Variants in RHOBTB1 observed in about 807,000 individuals in gnomAD.
The protein encoded by RHOBTB1 is Rho related BTB domain containing 1.
A neutral mutation model predicts 71.6 loss-of-function variants in RHOBTB1; 40 were observed. That is an observed-to-expected ratio of 0.56 (90% CI 0.43 to 0.73). The LOEUF is 0.73. Ranked by LOEUF, RHOBTB1 falls within the 30% of genes least tolerant of loss-of-function variation. The pLI is 0.00. For synonymous variants in RHOBTB1, 319 were observed against 334.9 expected (o/e 0.95, Z 0.52); for missense variants, 797 against 894.0 (o/e 0.89, Z 1.38).
At chr10:60,998,217 T>C (rs562127773) in intron 1 of RHOBTB1, among the ~76,000 whole-genome samples, 1 of 152,322 alleles carries the variant, frequency 6.6e-6, no homozygotes, top group East Asian at 1.9e-4. Flanking sequence ...ATAAGATCAA[T>C]GATGCTTCAT....
intron 10 of RHOBTB1, 123 bp from the exon 11 acceptor site, chr10:60,871,774 T>C: frequency 1.1e-6 from 1 of 873,224 alleles, no homozygotes; most frequent in East Asian, 2.7e-5. Context: ...AGACTGTGAT[T>C]AGGGCCATTT....
chr10:60,880,928 T>C (rs2081299529), intron 7 of RHOBTB1, among the ~76,000 whole-genome samples: 1 of 152,266 alleles, frequency 6.6e-6, no homozygotes, highest in African/African-American at 2.4e-5. Context: ...TAACATTTCA[T>C]TTCTTTGATG....
intron 4 of RHOBTB1, among the ~76,000 whole-genome samples, chr10:60,903,975 T>C (rs547278793): frequency 1.2e-4 from 18 of 152,308 alleles, no homozygotes; most frequent in Middle Eastern, 3.4e-3. Flanking sequence ...CTTTTCTTTT[T>C]TTTTTGAGAC....
chr10:60,908,904 C>T (rs538550741), intron 4 of RHOBTB1, among the ~76,000 whole-genome samples: 1 of 152,278 alleles, frequency 6.6e-6, no homozygotes, highest in African/African-American at 2.4e-5. Flanking sequence ...CAGGAGTGTT[C>T]CTGAAGCCCC....
At chr10:60,900,442 T>G (rs2082362181) in intron 4 of RHOBTB1, among the ~76,000 whole-genome samples, 1 of 152,206 alleles carries the variant, frequency 6.6e-6, no homozygotes, top group Non-Finnish European at 1.5e-5. Context: ...CGTGAGCTAT[T>G]TATTTCTGCT....
At chr10:60,906,896 G>A (rs1035213171) in intron 4 of RHOBTB1, among the ~76,000 whole-genome samples, 10 of 152,204 alleles carry the variant, frequency 6.6e-5, no homozygotes, top group South Asian at 2.1e-4. Context: ...CCCAAATCTC[G>A]AATCGTAGCT....
At chr10:60,895,644 T>C (rs1161032864) in intron 4 of RHOBTB1, among the ~76,000 whole-genome samples, 1 of 152,262 alleles carries the variant, frequency 6.6e-6, no homozygotes, top group Non-Finnish European at 1.5e-5. Context: ...CCTCGGGTGA[T>C]CCACCCACCT....
At position 60,871,383 on chromosome 10, in the gene RHOBTB1, G is replaced by A; in HGVS notation, c.*99C>T. The A allele has an allele frequency of 8.1e-7, 1 of 1,227,914 alleles. No homozygotes were observed. Among genetic ancestry groups the A allele is most frequent in the Non-Finnish European group, 1.1e-6 (1 of 871,366 alleles). 76.1% of individuals were successfully genotyped at this position (1,227,914 alleles called of 1,614,324 possible). A position where few individuals can be genotyped will look rare whatever the true frequency, so the allele number is the denominator to read the frequency against. ...GATCAGTGCCCGAAACCTGAACTAT[G>A]TCGTATCTCTAACAAGACGAATTTT... On this transcript the variant is annotated 3_prime_UTR_variant, in exon 11 of 11. Coordinates refer to ENST00000337910, the MANE Select transcript of RHOBTB1 (RefSeq NM_014836.5).
In RHOBTB1 at chr10:60,871,579, C is replaced by A. The variant is rs143799442; in HGVS notation, c.1994G>T (p.Arg665Leu). 6.8e-6 allele frequency: 11 copies of A among 1,613,980 alleles called. No homozygotes were observed. In the African/African-American group the frequency reaches 9.3e-5, roughly 14 times the overall value. ...WYLKEEDHYQ[R>L]VKREREKEDI... ...TTCCTTCTCTCGTTCCCTTTTCACA[C>A]GCTGGTAGTGATCTTCTTCCTTCAG... The change falls in exon 11 of 11, where the codon CGT becomes CTT. Residue 665 changes from arginine to leucine, a missense_variant. Arg to Leu is a moderately radical substitution (Grantham distance 102). Transcript: ENST00000337910.
At chr10:60,890,689 C>T (rs1301765927) in intron 5 of RHOBTB1, among the ~76,000 whole-genome samples, 1 of 152,128 alleles carries the variant, frequency 6.6e-6, no homozygotes, top group Admixed American at 6.5e-5. Context: ...AGGACAGACA[C>T]TGGTCTTAGG....
chr10:60,927,204 A>C (rs1394869115), intron 2 of RHOBTB1, among the ~76,000 whole-genome samples: 1 of 152,258 alleles, frequency 6.6e-6, no homozygotes, highest in Non-Finnish European at 1.5e-5. Context: ...TAAGACATTA[A>C]GGACACAAAA....
intron 2 of RHOBTB1, among the ~76,000 whole-genome samples, chr10:60,970,083 C>G (rs893466533): frequency 1.3e-5 from 2 of 152,068 alleles, no homozygotes; most frequent in African/African-American, 2.4e-5. Flanking sequence ...TGTATCTGGT[C>G]AGGGCATCAT....
chr10:60,914,997 C>G (rs1171483000), intron 2 of RHOBTB1, among the ~76,000 whole-genome samples: 1 of 152,202 alleles, frequency 6.6e-6, no homozygotes, highest in African/African-American at 2.4e-5. Context: ...TTCCAGGAAG[C>G]ATTCACTGAA....
Position 60,886,167 on chromosome 10 carries a change from C to A in RHOBTB1, c.1520G>T (p.Cys507Phe). The A allele has an allele frequency of 5.6e-6, 9 of 1,614,144 alleles. No individual in the cohort carries two copies. The highest frequency in any genetic ancestry group is 7.6e-6 in the Non-Finnish European group (9 of 1,179,986). Residue 507 changes from cysteine to phenylalanine, a missense_variant, in exon 7 of 11, where the codon TGT (cysteine) becomes TTT (phenylalanine). By Grantham distance (205) the Cys-to-Phe change is radical. Coordinates refer to ENST00000337910, the MANE Select transcript of RHOBTB1 (RefSeq NM_014836.5). ...CCCGAACATGGCTGCCATCCACTCA[C>A]AGCTACAGATCAGCAGCGGCTTGTG... Reference protein sequence around the residue: ...SAHKPLLICSCEWMAAMFGGS... With the variant: ...SAHKPLLICSFEWMAAMFGGS...
At chr10:60,976,781 C>A (rs995314832) in intron 2 of RHOBTB1, among the ~76,000 whole-genome samples, 3 of 151,914 alleles carry the variant, frequency 2.0e-5, no homozygotes, top group African/African-American at 7.3e-5. Context: ...CATCAGAGCA[C>A]TTTCTGGATT....
intron 1 of RHOBTB1, among the ~76,000 whole-genome samples, chr10:60,996,356 T>C (rs967328835): frequency 1.3e-5 from 2 of 152,144 alleles, no homozygotes; most frequent in Non-Finnish European, 2.9e-5. Flanking sequence ...GGAATCTGCC[T>C]CCTTTCAAAG....
At chr10:60,916,783 A>T (rs989197663) in intron 2 of RHOBTB1, among the ~76,000 whole-genome samples, 21 of 152,218 alleles carry the variant, frequency 1.4e-4, no homozygotes, top group Admixed American at 1.2e-3. Flanking sequence ...AGGGTTGCAG[A>T]TGGAATTAAG....
At chr10:60,968,542 C>T (rs935777549) in intron 2 of RHOBTB1, among the ~76,000 whole-genome samples, 4 of 152,112 alleles carry the variant, frequency 2.6e-5, no homozygotes, top group Non-Finnish European at 4.4e-5. Flanking sequence ...CTACTGAGCC[C>T]TTGCTGACCA....
chr10:60,995,771 G>T (rs768881376), intron 1 of RHOBTB1, among the ~76,000 whole-genome samples: 1 of 151,794 alleles, frequency 6.6e-6, no homozygotes, highest in Non-Finnish European at 1.5e-5. Flanking sequence ...ATTTCAACTT[G>T]GAAAAGGGAG....
Sources: allele counts gnomAD v4.1 joint callset (sites outside exome capture counted in the v4.1 genomes callset), GRCh38; gene constraint gnomAD v4.1.1; transcripts MANE v1.5; gene names NCBI Gene and HGNC (gene_info 2026-07-23, HGNC 2026-07-21).